The following CLPB variants were observed in gnomAD, a reference collection of about 807,000 sequenced individuals.
The protein encoded by CLPB is ClpB family mitochondrial disaggregase.
A neutral mutation model predicts 78.4 loss-of-function variants in CLPB; 40 were observed. That is an observed-to-expected ratio of 0.51 (90% confidence interval 0.40 to 0.66). CLPB has a LOEUF of 0.66. Ranked by LOEUF, CLPB falls within the 30% of genes least tolerant of loss-of-function variation. The pLI is 0.00. For synonymous variants in CLPB, 333 were observed against 348.0 expected, an observed-to-expected ratio of 0.96 and a Z score of 0.48; for missense variants, 780 against 886.9, an observed-to-expected ratio of 0.88 and a Z score of 1.53.
intron 2 of CLPB, among the ~76,000 whole-genome samples, chr11:72,414,175 G>A (rs536639260): frequency 9.2e-5 from 14 of 152,278 alleles, no homozygotes; most frequent in Admixed American, 1.3e-4. Flanking sequence ...AATAAAACAC[G>A]GAAGTCCAAC....
intron 4 of CLPB, among the ~76,000 whole-genome samples, chr11:72,360,340 C>G (rs1004555465): frequency 6.6e-6 from 1 of 152,154 alleles, no homozygotes; most frequent in African/African-American, 2.4e-5. Context: ...AATTCCTAAA[C>G]CATTCTTTTT....
At chr11:72,307,341 G>C in intron 8 of CLPB, 87 bp from the exon 9 acceptor site, 1 of 1,092,486 alleles carries the variant, frequency 9.2e-7, no homozygotes, top group South Asian at 1.3e-5. Context: ...ACGGACACTA[G>C]AAAGAATATA....
At chr11:72,299,871 T>C (rs1364514529) in intron 11 of CLPB, among the ~76,000 whole-genome samples, 1 of 152,008 alleles carries the variant, frequency 6.6e-6, no homozygotes, top group Non-Finnish European at 1.5e-5. Context: ...AGGCAGTCAG[T>C]GGAGTGAAGT....
intron 4 of CLPB, among the ~76,000 whole-genome samples, chr11:72,378,778 T>C (rs1854803355): frequency 6.6e-6 from 1 of 152,036 alleles, no homozygotes; most frequent in African/African-American, 2.4e-5. Flanking sequence ...ACACAATTCC[T>C]CCGGCTCAGT....
intron 3 of CLPB, among the ~76,000 whole-genome samples, chr11:72,394,496 C>T (rs1366403151): frequency 6.6e-6 from 1 of 152,100 alleles, no homozygotes; most frequent in Non-Finnish European, 1.5e-5. Flanking sequence ...AACACAGAAC[C>T]CCAGGACAGA....
intron 2 of CLPB, among the ~76,000 whole-genome samples, chr11:72,417,314 C>T (rs529153937): frequency 6.6e-6 from 1 of 152,268 alleles, no homozygotes; most frequent in South Asian, 2.1e-4. Flanking sequence ...AAACATTAAG[C>T]TCAGTGAAAG....
chr11:72,384,877 A>T (rs1473391639), intron 3 of CLPB, among the ~76,000 whole-genome samples: 1 of 152,202 alleles, frequency 6.6e-6, no homozygotes, highest in East Asian at 1.9e-4. Flanking sequence ...ACCTAACATC[A>T]CAGCACCTAG....
At chr11:72,323,685 G>C (rs1183039779) in intron 6 of CLPB, among the ~76,000 whole-genome samples, 1 of 151,896 alleles carries the variant, frequency 6.6e-6, no homozygotes, top group Non-Finnish European at 1.5e-5. Context: ...GACCATTCCA[G>C]ATTAAAGAAG....
chr11:72,425,511 C>T (rs1392584039), intron 2 of CLPB, among the ~76,000 whole-genome samples: 1 of 152,108 alleles, frequency 6.6e-6, no homozygotes, highest in Non-Finnish European at 1.5e-5. Context: ...TTCTTCCTCA[C>T]CAGAGGGCAC....
chr11:72,372,899 A>C (rs1951069569), intron 4 of CLPB: 2 of 1,596,402 alleles, frequency 1.3e-6, no homozygotes, highest in East Asian at 2.2e-5. Context: ...GAGGGGGAGA[A>C]ATATTATACA....
chr11:72,422,267 A>G (rs1856230371), intron 2 of CLPB, among the ~76,000 whole-genome samples: 2 of 142,366 alleles, frequency 1.4e-5, no homozygotes, highest in Non-Finnish European at 3.0e-5. Flanking sequence ...CTCCGTCTCA[A>G]AAAAAAAAAA....
intron 3 of CLPB, among the ~76,000 whole-genome samples, chr11:72,392,930 C>A (rs1033349436): frequency 6.6e-6 from 1 of 152,114 alleles, no homozygotes; most frequent in Non-Finnish European, 1.5e-5. Context: ...TGCATAGTAC[C>A]AGGAACAGTG....
intron 9 of CLPB, among the ~76,000 whole-genome samples, chr11:72,305,891 T>G (rs1393283387): frequency 2.0e-5 from 3 of 152,248 alleles, no homozygotes; most frequent in Non-Finnish European, 4.4e-5. Context: ...AATTTGTAAT[T>G]AAATATTAAC....
At chr11:72,346,473 C>CA (rs1295458793) in intron 5 of CLPB, among the ~76,000 whole-genome samples, 9 of 151,174 alleles carry the variant, frequency 6.0e-5, no homozygotes, top group South Asian at 2.1e-4. Flanking sequence ...CAATTATCAA[C>CA]AAAAAAATCC....
intron 9 of CLPB, among the ~76,000 whole-genome samples, chr11:72,304,818 G>T (rs1949717534): frequency 6.6e-6 from 1 of 152,128 alleles, no homozygotes; most frequent in South Asian, 2.1e-4. Flanking sequence ...AAATTAAAGG[G>T]AGCTTCTGTT....
chr11:72,416,495 GGAGGCT>G lies in CLPB; in HGVS notation c.456-13449_456-13444del, dbSNP rs1856025609. Among the ~76,000 whole-genome samples the G allele has an allele frequency of 2.0e-5, 3 of 152,054 alleles. No individual in the cohort carries two copies. The South Asian group carries it at 6.2e-4, about 32-fold the overall frequency. ...TCACACCTGTAATCTCAGCACTTTG[GGAGGCT>G]GAGGCAGGCAGATCACCTGAGGTCA... On this transcript the variant is annotated intron_variant, in intron 2 of 15. Transcript: ENST00000538039.
intron 3 of CLPB, among the ~76,000 whole-genome samples, chr11:72,397,359 G>A (rs559783655): frequency 5.9e-5 from 9 of 152,118 alleles, no homozygotes; most frequent in South Asian, 2.1e-4. Context: ...TTTTGCAGAC[G>A]TACATTTTTA....
chr11:72,329,224 T>C lies in CLPB; in HGVS notation c.873+483A>G, dbSNP rs371449161. 1.4e-4 allele frequency among the ~76,000 whole-genome samples: 22 copies of C among 152,276 alleles called. No individual in the cohort carries two copies. The East Asian group carries it at 3.9e-3, about 27-fold the overall frequency. ...GGAGGGTTTTTTGGCTCAGATTCTATACTAGGCTTTCTGGAGTGTGTGTGG... is the reference window on the plus strand; with the variant it reads ...GGAGGGTTTTTTGGCTCAGATTCTACACTAGGCTTTCTGGAGTGTGTGTGG... On this transcript the variant is annotated intron_variant, in intron 6 of 15. Coordinates refer to ENST00000538039, the MANE Select transcript of CLPB (RefSeq NM_001258392.3).
intron 2 of CLPB, among the ~76,000 whole-genome samples, chr11:72,426,704 G>A (rs965491890): frequency 2.6e-5 from 4 of 152,210 alleles, no homozygotes; most frequent in Admixed American, 6.5e-5. Context: ...AGTAAGTGCC[G>A]CTGTGCTGTG....
Sources: gnomAD v4.1 joint callset for allele counts (sites outside exome capture counted in the v4.1 genomes callset) on GRCh38, gnomAD v4.1.1 for gene constraint, MANE v1.5 for transcripts, NCBI Gene and HGNC (gene_info 2026-07-23, HGNC 2026-07-21) for gene names.